PANK3: variants seen among roughly 807,000 people sequenced by gnomAD.
PANK3 encodes pantothenate kinase 3.
PANK3 carries 20 observed loss-of-function variants against 39.4 expected under a neutral mutation model. The ratio of observed to expected loss-of-function variants is 0.51; its 90% CI spans 0.36 to 0.74. The LOEUF is 0.74. Among genes scored for constraint, PANK3 ranks in the 30% least tolerant of loss-of-function variants. PANK3 has a pLI of 0.00. For synonymous variants in PANK3, 140 were observed against 157.3 expected (o/e 0.89, Z 0.82); for missense variants, 265 against 437.0 (o/e 0.61, Z 3.51).
intron 1 of PANK3, among the ~76,000 whole-genome samples, chr5:168,575,569 T>C (rs2113037240): frequency 6.6e-6 from 1 of 152,180 alleles, no homozygotes; most frequent in East Asian, 1.9e-4. Flanking sequence ...TCACTTAAGC[T>C]AAGGAGTTCA....
Position 168,563,917 on chromosome 5 carries a change from C to A in PANK3, c.784G>T (p.Gly262Cys). The change falls in exon 4 of 7, where the codon GGT becomes TGT. Residue 262 changes from glycine (G) to cysteine (C), a missense_variant. By Grantham distance (159) the Gly-to-Cys change is radical. This residue lies in a region of PANK3 where 110 missense variants were observed against 161.2 expected (regional missense o/e 0.68). Transcript: ENST00000239231. ...GATGCTACAGCCCAACCTGGCAAAC[C>A]AAATCTTTCATAATCTCCTCCATAA... ...DIYGGDYERF[G>C]LPGWAVASSF... is the part of the protein sequence containing the mutation. 1 of 1,610,434 alleles carries A rather than the reference C, an allele frequency of 6.2e-7. No individual in the cohort carries two copies. The highest frequency in any genetic ancestry group is 1.3e-5 in the African/African-American group (1 of 74,818).
At chr5:168,568,607 A>C (rs756859202) in intron 2 of PANK3, 39 bp downstream of exon 2, 1 of 1,399,072 alleles carries the variant, frequency 7.1e-7, no homozygotes, top group Non-Finnish European at 9.9e-7. Flanking sequence ...ATATTTAAAA[A>C]CAGGTATCAA....
At chr5:168,571,376 C>CCACTATAGTGGAGTACCCCCACTTAT in intron 1 of PANK3, among the ~76,000 whole-genome samples, 1 of 152,296 alleles carries the variant, frequency 6.6e-6, no homozygotes, top group South Asian at 2.1e-4. Context: ...ATTTAATCCT[C>CCACTATAGTGGAGTACCCCCACTTAT]AGTACCCCCA....
rs1561837166 is a variant in PANK3, at chr5:168,551,062, G to A, written c.*6509C>T. ...TTGATTTTCACACCACCATTATCGT[G>A]AATGGGCTATCCAAATACTCTTAAC... On this transcript the variant is annotated 3_prime_UTR_variant, in exon 7 of 7. Coordinates refer to ENST00000239231, the MANE Select transcript of PANK3 (RefSeq NM_024594.4). 6.6e-6 allele frequency: 1 copy of A among 152,150 alleles called. No individual in the cohort carries two copies. The highest frequency in any genetic ancestry group is 1.5e-5 in the Non-Finnish European group (1 of 68,000). 9.4% of individuals were successfully genotyped at this position (152,150 alleles called of 1,614,324 possible). A position where few individuals can be genotyped will look rare whatever the true frequency, so the allele number is the denominator to read the frequency against.
At chr5:168,557,691 A>T in intron 6 of PANK3, 70 bp from the exon 7 acceptor site, 5 of 1,198,340 alleles carry the variant, frequency 4.2e-6, no homozygotes, top group Non-Finnish European at 6.1e-6. Context: ...ACCACTTGAG[A>T]ACACACAACT....
rs1759577548 is a variant in PANK3, at chr5:168,568,970, C to T, written c.57G>A (p.Gly19=). The T allele has an allele frequency of 1.3e-6, 2 of 1,589,598 alleles. No homozygotes were observed. Among genetic ancestry groups the T allele is most frequent in the Non-Finnish European group, 1.7e-6 (2 of 1,168,030 alleles). The change falls in exon 2 of 7, where the codon GGG becomes GGA. Residue 19 remains glycine, a synonymous_variant. Coordinates refer to ENST00000239231, the MANE Select transcript of PANK3 (RefSeq NM_024594.4). ...PSFPWFGMDI[G]GTLVKLSYFE... ...AGTACGAGAGCTTTACTAGAGTTCC[C>T]CCAATGTCCATGCCAAACCATGGGA...
At chr5:168,561,741 G>C (rs779274074) in intron 4 of PANK3, among the ~76,000 whole-genome samples, 14 of 152,130 alleles carry the variant, frequency 9.2e-5, no homozygotes. Context: ...AGCATAGTTA[G>C]TTATTATAAG....
At chr5:168,572,584 T>C (rs1259530738) in intron 1 of PANK3, among the ~76,000 whole-genome samples, 1 of 149,192 alleles carries the variant, frequency 6.7e-6, no homozygotes, top group Non-Finnish European at 1.5e-5. Flanking sequence ...ACAAAGTACA[T>C]TGATCAGTTA....
chr5:168,561,297 G>A, intron 5 of PANK3, 96 bp downstream of exon 5: 1 of 1,094,632 alleles, frequency 9.1e-7, no homozygotes. Context: ...AATCCCAGAG[G>A]CCTCCTTAGG....
chr5:168,552,537 AC>A lies in PANK3; in HGVS notation c.*5033del. Reference sequence around the variant, plus strand: ...GAAAGTTGGAGGTCCAGTTGGAGCAACCAGCCACTGCTATTGCAAACTGAAG... The same window carrying A: ...GAAAGTTGGAGGTCCAGTTGGAGCAACAGCCACTGCTATTGCAAACTGAAG... On this transcript the variant is annotated 3_prime_UTR_variant, in exon 7 of 7. Coordinates refer to ENST00000239231, the MANE Select transcript of PANK3 (RefSeq NM_024594.4). 1 of 194,510 alleles carries A rather than the reference AC, an allele frequency of 5.1e-6. No individual in the cohort carries two copies. The highest frequency in any genetic ancestry group is 1.2e-5 in the Non-Finnish European group (1 of 86,316). 12.0% of individuals were successfully genotyped at this position (194,510 alleles called of 1,614,324 possible).
intron 1 of PANK3, among the ~76,000 whole-genome samples, chr5:168,578,952 C>G (rs1349618926): frequency 6.6e-6 from 1 of 152,172 alleles, no homozygotes; most frequent in African/African-American, 2.4e-5. Flanking sequence ...TCAGGGGGAG[C>G]TGGGAGAGGA....
At position 168,563,737 on chromosome 5, in the gene PANK3, A is replaced by C. The variant is rs563950442; in HGVS notation, c.812+152T>G. The C allele has an allele frequency of 1.5e-5, 9 of 590,144 alleles. No individual in the cohort carries two copies. In the African/African-American group the frequency reaches 1.5e-4, roughly 10 times the overall value. 36.6% of individuals were successfully genotyped at this position (590,144 alleles called of 1,614,324 possible). A position where few individuals can be genotyped will look rare whatever the true frequency, so the allele number is the denominator to read the frequency against. ...AGGGTAAACTTCTTAATGTATACTT[A>C]ATTTTTAAATGACATCAATGTTCAA... is the stretch of plus-strand genomic sequence containing the variant. On this transcript the variant is annotated intron_variant, in intron 4 of 6. Coordinates refer to ENST00000239231, the MANE Select transcript of PANK3 (RefSeq NM_024594.4).
intron 1 of PANK3, among the ~76,000 whole-genome samples, chr5:168,574,686 C>T (rs934741227): frequency 6.6e-6 from 1 of 152,086 alleles, no homozygotes. Flanking sequence ...CATGGTGAAA[C>T]CTCGTCTCTA....
At position 168,554,442 on chromosome 5, in the gene PANK3, A is replaced by G. The variant is rs2113099354; in HGVS notation, c.*3129T>C. The G allele has an allele frequency of 6.6e-6, 1 of 152,336 alleles. No homozygotes were observed. The highest frequency in any genetic ancestry group is 1.9e-4 in the East Asian group (1 of 5,192). 9.4% of individuals were successfully genotyped at this position (152,336 alleles called of 1,614,324 possible). A position where few individuals can be genotyped will look rare whatever the true frequency, so the allele number is the denominator to read the frequency against. Reference sequence around the variant, plus strand: ...TTTCCCCATGTAGTTTTCAAATTTTATACTCAAGTCCTTATATTCGATTAC... The same window carrying G: ...TTTCCCCATGTAGTTTTCAAATTTTGTACTCAAGTCCTTATATTCGATTAC... On this transcript the variant is annotated 3_prime_UTR_variant, in exon 7 of 7. Coordinates refer to ENST00000239231, the MANE Select transcript of PANK3 (RefSeq NM_024594.4).
intron 5 of PANK3, among the ~76,000 whole-genome samples, chr5:168,559,659 C>T (rs144302156): frequency 1.3e-5 from 2 of 152,070 alleles, no homozygotes; most frequent in African/African-American, 2.4e-5. Flanking sequence ...TAAATAGCCC[C>T]CTTACAAAGT....
At position 168,553,149 on chromosome 5, in the gene PANK3, G is replaced by A; in HGVS notation, c.*4422C>T. 2.2e-6 allele frequency: 1 copy of A among 454,190 alleles called. No homozygotes were observed. Among genetic ancestry groups the A allele is most frequent in the Non-Finnish European group, 4.3e-6 (1 of 232,280 alleles). 28.1% of individuals were successfully genotyped at this position (454,190 alleles called of 1,614,324 possible). ...CACTTTATAGGACAGCTGGAAGGAT[G>A]GTAAAGCCCAGTATCACTGGGCATA... On this transcript the variant is annotated 3_prime_UTR_variant, in exon 7 of 7. Transcript: ENST00000239231.
intron 2 of PANK3, 109 bp from the exon 3 acceptor site, chr5:168,566,375 C>T (rs1215677901): frequency 9.2e-6 from 11 of 1,199,800 alleles, no homozygotes; most frequent in Admixed American, 2.5e-5. Context: ...ATGACCCCCA[C>T]ATTTTCATTT....
chr5:168,560,739 G>A (rs550877192), intron 5 of PANK3, among the ~76,000 whole-genome samples: 7 of 152,158 alleles, frequency 4.6e-5, no homozygotes, highest in African/African-American at 1.7e-4. Context: ...AATTAAACGG[G>A]CAAATATATC....
intron 1 of PANK3, among the ~76,000 whole-genome samples, chr5:168,573,432 A>AAAAAAAAAAAAAAAT (rs1289340058): frequency 2.0e-5 from 3 of 146,372 alleles, no homozygotes; most frequent in Admixed American, 6.8e-5. Flanking sequence ...AAAAAAAAAA[A>AAAAAAAAAAAAAAAT]AAAAAAAAAA....
Sources: allele counts gnomAD v4.1 joint callset (sites outside exome capture counted in the v4.1 genomes callset), GRCh38; gene constraint gnomAD v4.1.1; regional missense constraint gnomAD v4.1.1; transcripts MANE v1.5; gene names NCBI Gene and HGNC (gene_info 2026-07-23, HGNC 2026-07-21).